The following DMD variants were observed in gnomAD, a reference collection of about 807,000 sequenced individuals.
DMD encodes mutant dystrophin.
A neutral mutation model predicts 330.1 loss-of-function variants in DMD; 63 were observed. The observed-to-expected ratio is 0.19, with a 90% CI of 0.16 to 0.24. The LOEUF (loss-of-function observed/expected upper bound fraction) is 0.24. Ranked by LOEUF, DMD falls within the 10% of genes least tolerant of loss-of-function variation. DMD has a pLI of 1.00. For synonymous variants in DMD, 1,223 were observed against 959.8 expected (o/e 1.27, Z -5.07); for missense variants, 3,344 against 2,684.1 (o/e 1.25, Z -5.43).
At chrX:31,384,074 G>T (rs1374579173) in intron 60 of DMD, among the ~76,000 whole-genome samples, 1 of 111,434 alleles carries the variant, frequency 9.0e-6, no homozygotes, top group East Asian at 2.8e-4. Flanking sequence ...TCCTTCTGGG[G>T]ATTCAAGGGT....
chrX:31,516,250 T>C (rs1351830072), intron 55 of DMD, among the ~76,000 whole-genome samples: 1 of 103,616 alleles, frequency 9.7e-6, no homozygotes, highest in Non-Finnish European at 2.0e-5. Context: ...AGTATCAGTC[T>C]ATTATGGATT....
intron 18 of DMD, among the ~76,000 whole-genome samples, chrX:32,504,250 T>C (rs189218918): frequency 2.9e-4 from 33 of 112,462 alleles, no homozygotes; most frequent in African/African-American, 9.4e-4. Context: ...GTTTATACTT[T>C]TGATGGTGAA....
chrX:32,847,674 T>C (rs5972694), intron 3 of DMD, among the ~76,000 whole-genome samples: 7,190 of 111,746 alleles, frequency 0.064, 539 homozygotes, highest in African/African-American at 0.21. Context: ...ATTCTGTTAG[T>C]AGCAGTATCT....
At chrX:32,655,151 G>A (rs966788130) in intron 9 of DMD, among the ~76,000 whole-genome samples, 2 of 111,457 alleles carry the variant, frequency 1.8e-5, no homozygotes, top group African/African-American at 6.5e-5. Context: ...GTTGGGCTCT[G>A]ATCTTAGTTA....
At chrX:32,508,849 C>T (rs187925564) in intron 18 of DMD, among the ~76,000 whole-genome samples, 17 of 109,824 alleles carry the variant, frequency 1.5e-4, no homozygotes, top group South Asian at 3.9e-4. Context: ...CTCGCTCTGT[C>T]GCCCAGGCTG....
chrX:33,245,738 CA>C (rs1449316232), intron 1 of DMD, among the ~76,000 whole-genome samples: 4 of 112,275 alleles, frequency 3.6e-5, no homozygotes, highest in Admixed American at 2.8e-4. Context: ...TGTAAATTTA[CA>C]ACTTTGTTGA....
intron 33 of DMD, among the ~76,000 whole-genome samples, chrX:32,381,605 C>G (rs1169075485): frequency 1.8e-5 from 2 of 111,339 alleles, no homozygotes; most frequent in Non-Finnish European, 3.8e-5. Context: ...CCTCTCTACT[C>G]CTGAAAGTTC....
chrX:32,243,330 T>C (rs915441998), intron 43 of DMD, among the ~76,000 whole-genome samples: 3 of 111,687 alleles, frequency 2.7e-5, no homozygotes, highest in African/African-American at 9.8e-5. Flanking sequence ...GATGCTACAG[T>C]AAACTGGTAA....
At chrX:32,227,722 A>T (rs1307194361) in intron 43 of DMD, among the ~76,000 whole-genome samples, 3 of 111,468 alleles carry the variant, frequency 2.7e-5, no homozygotes, top group African/African-American at 9.8e-5. Context: ...ACAAAAAAAT[A>T]ATAAAATTAC....
chrX:31,238,553 C>A (rs1161890020), intron 63 of DMD, among the ~76,000 whole-genome samples: 1 of 111,623 alleles, frequency 9.0e-6, no homozygotes, highest in South Asian at 3.8e-4. Context: ...CTGATACCAT[C>A]GAGTCCTTAC....
intron 17 of DMD, among the ~76,000 whole-genome samples, chrX:32,528,899 GTATT>G (rs1401993990): frequency 1.5e-5 from 1 of 68,358 alleles, no homozygotes; most frequent in Non-Finnish European, 2.6e-5. Context: ...CCAAACCAAT[GTATT>G]TCTTTTTTTT....
chrX:31,269,134 T>C (rs751749917), intron 62 of DMD, among the ~76,000 whole-genome samples: 1 of 111,887 alleles, frequency 8.9e-6, no homozygotes, highest in Non-Finnish European at 1.9e-5. Context: ...TATAATTAAA[T>C]ACTGAAAGTA....
chrX:32,422,433 G>A (rs750525463), intron 29 of DMD, among the ~76,000 whole-genome samples: 4 of 111,574 alleles, frequency 3.6e-5, no homozygotes, highest in South Asian at 7.4e-4. Flanking sequence ...TATGAAGACC[G>A]AAGTTAGAAA....
At chrX:32,833,271 C>A (rs1283497446) in intron 4 of DMD, among the ~76,000 whole-genome samples, 1 of 110,532 alleles carries the variant, frequency 9.0e-6, no homozygotes, top group African/African-American at 3.3e-5. Flanking sequence ...GCCTCTTTGA[C>A]AATAAAGAAT....
At chrX:32,735,924 G>C (rs921597127) in intron 7 of DMD, among the ~76,000 whole-genome samples, 5 of 111,753 alleles carry the variant, frequency 4.5e-5, no homozygotes, top group Non-Finnish European at 9.4e-5. Flanking sequence ...ATGGGATCTC[G>C]TTAAACTAAA....
intron 9 of DMD, among the ~76,000 whole-genome samples, chrX:32,672,430 A>C (rs2061689175): frequency 9.0e-6 from 1 of 111,438 alleles, no homozygotes; most frequent in African/African-American, 3.3e-5. Context: ...TATATTATTA[A>C]ATCATGGGAA....
chrX:31,369,829 C>A (rs1214776082), intron 60 of DMD, among the ~76,000 whole-genome samples: 1 of 111,393 alleles, frequency 9.0e-6, no homozygotes, highest in Non-Finnish European at 1.9e-5. Flanking sequence ...CAACTTAAAC[C>A]TCATACTTTA....
At chrX:32,425,467 T>C (rs2098208410) in intron 29 of DMD, among the ~76,000 whole-genome samples, 1 of 111,613 alleles carries the variant, frequency 9.0e-6, no homozygotes, top group African/African-American at 3.3e-5. Context: ...TCTTCCCTTA[T>C]ACTACAAACA....
chrX:31,729,482 T>A, intron 52 of DMD, 149 bp downstream of exon 52: 1 of 547,606 alleles, frequency 1.8e-6, no homozygotes, highest in Non-Finnish European at 3.3e-6. Context: ...AAGGTAACAT[T>A]ATGGACTGAA....
Sources: gnomAD v4.1 joint callset for allele counts (sites outside exome capture counted in the v4.1 genomes callset) on GRCh38, gnomAD v4.1.1 for gene constraint, MANE v1.5 for transcripts, NCBI Gene and HGNC (gene_info 2026-07-23, HGNC 2026-07-21) for gene names.